Variants in PHYHIPL observed in about 807,000 individuals in gnomAD.
PHYHIPL encodes phytanoyl-CoA 2-hydroxylase interacting protein like, also known as phytanoyl-CoA hydroxylase-interacting protein-like.
PHYHIPL carries 9 observed loss-of-function variants against 33.4 expected under a neutral mutation model. The ratio of observed to expected loss-of-function variants is 0.27; its 90% CI spans 0.16 to 0.47. The LOEUF is 0.47. Among genes scored for constraint, PHYHIPL ranks in the 20% least tolerant of loss-of-function variants. The pLI is 0.99. For missense variants in PHYHIPL, 365 were observed against 460.7 expected (o/e 0.79, Z 1.90); for synonymous variants, 153 against 154.1 (o/e 0.99, Z 0.05).
chr10:59,193,873 T>C (rs562026883), intron 1 of PHYHIPL, among the ~76,000 whole-genome samples: 1 of 152,160 alleles, frequency 6.6e-6, no homozygotes, highest in East Asian at 1.9e-4. Flanking sequence ...CCCTAATGAC[T>C]AAAAAAGCAG....
chr10:59,230,894 AG>A (rs1027738726), intron 1 of PHYHIPL, among the ~76,000 whole-genome samples: 2 of 152,174 alleles, frequency 1.3e-5, no homozygotes, highest in African/African-American at 4.8e-5. Context: ...AGTTATCTGT[AG>A]AAAGAAATAT....
At chr10:59,219,917 A>G (rs1419527909) in intron 1 of PHYHIPL, among the ~76,000 whole-genome samples, 1 of 152,142 alleles carries the variant, frequency 6.6e-6, no homozygotes, top group Non-Finnish European at 1.5e-5. Context: ...AAAAATAACA[A>G]AGGGACAGGT....
Position 59,184,853 on chromosome 10 carries a change from T to C in PHYHIPL, c.106+7894T>C, listed in dbSNP as rs554712788. Among the ~76,000 whole-genome samples, 17 of 142,362 alleles carry C rather than the reference T, an allele frequency of 1.2e-4. No homozygotes were observed. In the South Asian group the frequency reaches 2.7e-3, roughly 22 times the overall value. The allele number at this position is 142,362 out of a possible 152,430, so 93.4% of individuals were successfully genotyped here. The stretch of plus-strand genomic sequence containing the variant: ...TGTGATGTTCCCCTTTCTGTGTCCA[T>C]GTGTTCTCATGGTTTAATTGCCACC... On this transcript the variant is annotated intron_variant, in intron 1 of 4. Coordinates refer to ENST00000373880, the MANE Select transcript of PHYHIPL (RefSeq NM_032439.4).
At chr10:59,215,749 T>C (rs1479350038) in intron 1 of PHYHIPL, among the ~76,000 whole-genome samples, 1 of 151,794 alleles carries the variant, frequency 6.6e-6, no homozygotes, top group Admixed American at 6.6e-5. Flanking sequence ...TAAGTAGTAA[T>C]AGTTAAGCTG....
intron 1 of PHYHIPL, among the ~76,000 whole-genome samples, chr10:59,186,014 G>A (rs2133188931): frequency 6.6e-6 from 1 of 152,166 alleles, no homozygotes; most frequent in East Asian, 1.9e-4. Flanking sequence ...CATTGCTTTT[G>A]GTGTTTTAGA....
At chr10:59,233,314 T>C (rs1039868297) in intron 1 of PHYHIPL, among the ~76,000 whole-genome samples, 3 of 151,936 alleles carry the variant, frequency 2.0e-5, no homozygotes, top group Middle Eastern at 3.4e-3. Context: ...AAATGGAAGG[T>C]ATTACCACAA....
chr10:59,230,302 C>T (rs1205335095), intron 1 of PHYHIPL, among the ~76,000 whole-genome samples: 1 of 150,984 alleles, frequency 6.6e-6, no homozygotes, highest in African/African-American at 2.4e-5. Context: ...TATCCTTGAC[C>T]TCCTAGACTC....
intron 1 of PHYHIPL, among the ~76,000 whole-genome samples, chr10:59,193,034 A>G (rs1431913530): frequency 6.6e-6 from 1 of 152,092 alleles, no homozygotes; most frequent in Non-Finnish European, 1.5e-5. Context: ...TTCTCTTGTT[A>G]TATTTCTTCT....
chr10:59,177,121 C>T (rs1278536199), intron 1 of PHYHIPL, 162 bp downstream of exon 1: 2 of 644,528 alleles, frequency 3.1e-6, no homozygotes, highest in Non-Finnish European at 5.2e-6. Context: ...ACCGCCCTCC[C>T]CTCACCCCAG....
chr10:59,187,211 A>G (rs1838633567), intron 1 of PHYHIPL, among the ~76,000 whole-genome samples: 1 of 152,132 alleles, frequency 6.6e-6, no homozygotes, highest in Non-Finnish European at 1.5e-5. Context: ...TTCTGCATCT[A>G]TTGAGATAAT....
At position 59,180,328 on chromosome 10, in the gene PHYHIPL, A is replaced by ATATATATATAGAAAAAG. The variant is rs1554854146; in HGVS notation, c.106+3379_106+3380insGAAAAAGTATATATATA. On this transcript the variant is annotated intron_variant, in intron 1 of 4. Coordinates refer to ENST00000373880, the MANE Select transcript of PHYHIPL (RefSeq NM_032439.4). ...ATATAGAAAAAGTATATATATATAT[A>ATATATATATAGAAAAAG]TATATATATATATATATATATATAT... Among the ~76,000 whole-genome samples, 200 of 54,426 alleles carry ATATATATATAGAAAAAG rather than the reference A, an allele frequency of 3.7e-3. 3 individuals carry two copies. The highest frequency in any genetic ancestry group is 9.1e-3 in the African/African-American group (189 of 20,658). The allele number at this position is 54,426 out of a possible 152,430, so 35.7% of individuals were successfully genotyped here. A position where few individuals can be genotyped will look rare whatever the true frequency, so the allele number is the denominator to read the frequency against.
In PHYHIPL at chr10:59,177,009, G is replaced by A. The variant is rs376375119; in HGVS notation, c.106+50G>A. Reference sequence around the variant, plus strand: ...AAAGGGACAGAGTTCGCGCCGAGGCGCCGGGGCCACTCTGGCTCCGCCGAC... The same window carrying A: ...AAAGGGACAGAGTTCGCGCCGAGGCACCGGGGCCACTCTGGCTCCGCCGAC... On this transcript the variant is annotated intron_variant, in intron 1 of 4. Coordinates refer to ENST00000373880, the MANE Select transcript of PHYHIPL (RefSeq NM_032439.4). 213 of 1,535,902 alleles carry A rather than the reference G, an allele frequency of 1.4e-4. 1 individual carries two copies. The highest frequency in any genetic ancestry group is 1.8e-4 in the Non-Finnish European group (205 of 1,122,274).
intron 1 of PHYHIPL, among the ~76,000 whole-genome samples, chr10:59,194,507 G>A (rs1432423860): frequency 6.6e-6 from 1 of 152,126 alleles, no homozygotes; most frequent in Non-Finnish European, 1.5e-5. Flanking sequence ...GATAATGTGT[G>A]TGTATTTATT....
intron 1 of PHYHIPL, among the ~76,000 whole-genome samples, chr10:59,201,684 T>A (rs77936502): frequency 1.3e-5 from 2 of 152,236 alleles, no homozygotes; most frequent in Non-Finnish European, 2.9e-5. Context: ...TTTTGAGTAA[T>A]CAGAGTGTAA....
At chr10:59,213,571 C>G (rs1213661122) in intron 1 of PHYHIPL, among the ~76,000 whole-genome samples, 1 of 152,042 alleles carries the variant, frequency 6.6e-6, no homozygotes, top group Non-Finnish European at 1.5e-5. Context: ...TAATGGGAGT[C>G]AGTTACTAGG....
At chr10:59,241,615 T>G (rs972337662) in intron 4 of PHYHIPL, among the ~76,000 whole-genome samples, 43 of 152,156 alleles carry the variant, frequency 2.8e-4, no homozygotes, top group African/African-American at 9.2e-4. Flanking sequence ...ATTTTCTGTT[T>G]ATATATATGT....
intron 1 of PHYHIPL, among the ~76,000 whole-genome samples, chr10:59,217,211 A>G (rs1224789106): frequency 6.6e-6 from 1 of 152,104 alleles, no homozygotes; most frequent in Non-Finnish European, 1.5e-5. Flanking sequence ...TTTGAAGTGG[A>G]GAAAAATGGT....
intron 1 of PHYHIPL, among the ~76,000 whole-genome samples, chr10:59,222,823 TTAA>T (rs1434898044): frequency 6.6e-6 from 1 of 152,118 alleles, no homozygotes; most frequent in Non-Finnish European, 1.5e-5. Context: ...ATAGAGTGAA[TTAA>T]TAATTGCATT....
intron 4 of PHYHIPL, among the ~76,000 whole-genome samples, chr10:59,242,420 TA>T (rs1448452345): frequency 6.6e-6 from 1 of 151,758 alleles, no homozygotes; most frequent in Admixed American, 6.6e-5. Context: ...CACTGGTAGA[TA>T]GTCAGGAGGA....
Sources: gnomAD v4.1 joint callset for allele counts (sites outside exome capture counted in the v4.1 genomes callset) on GRCh38, gnomAD v4.1.1 for gene constraint, MANE v1.5 for transcripts, NCBI Gene and HGNC (gene_info 2026-07-23, HGNC 2026-07-21) for gene names.